CCDC7: variants seen among roughly 807,000 people sequenced by gnomAD.
The protein encoded by CCDC7 is coiled-coil domain-containing protein 7.
A neutral mutation model predicts 196.9 loss-of-function variants in CCDC7; 183 were observed. That is an observed-to-expected ratio of 0.93 (90% CI 0.82 to 1.05). The LOEUF is 1.05. Ranked by LOEUF, CCDC7 falls within the 50% of genes least tolerant of loss-of-function variation. CCDC7 has a pLI of 0.00. For missense variants in CCDC7, 1,540 were observed against 1,482.2 expected, an observed-to-expected ratio of 1.04 and a Z score of -0.64; for synonymous variants, 525 against 484.6, an observed-to-expected ratio of 1.08 and a Z score of -1.10.
At chr10:32,667,620 T>C (rs1470260898) in intron 21 of CCDC7, among the ~76,000 whole-genome samples, 9 of 151,376 alleles carry the variant, frequency 5.9e-5, no homozygotes, top group East Asian at 1.9e-4. Flanking sequence ...ATTTATTAAA[T>C]AGGGAATCCT....
At chr10:32,801,003 A>G (rs1188161699) in intron 29 of CCDC7, among the ~76,000 whole-genome samples, 1 of 152,196 alleles carries the variant, frequency 6.6e-6, no homozygotes, top group Non-Finnish European at 1.5e-5. Context: ...CATTGCAGTA[A>G]CTATGCCCAC....
intron 28 of CCDC7, among the ~76,000 whole-genome samples, chr10:32,777,338 A>T (rs2080232981): frequency 6.6e-6 from 1 of 152,152 alleles, no homozygotes; most frequent in Admixed American, 6.5e-5. Context: ...ACTGTGGTGA[A>T]CGTATGGATG....
intron 28 of CCDC7, among the ~76,000 whole-genome samples, chr10:32,765,833 C>A (rs893877662): frequency 2.0e-5 from 3 of 151,898 alleles, no homozygotes; most frequent in Non-Finnish European, 4.4e-5. Context: ...TTAACGTATC[C>A]CCTGGTAACT....
intron 20 of CCDC7, among the ~76,000 whole-genome samples, chr10:32,642,342 G>C (rs966547552): frequency 6.6e-6 from 1 of 152,210 alleles, no homozygotes; most frequent in African/African-American, 2.4e-5. Flanking sequence ...CTCAAGCCTT[G>C]GCAATGGCGG....
At chr10:32,722,659 T>C (rs1296163628) in intron 25 of CCDC7, among the ~76,000 whole-genome samples, 1 of 152,062 alleles carries the variant, frequency 6.6e-6, no homozygotes, top group African/African-American at 2.4e-5. Flanking sequence ...TTATATTGAA[T>C]TAGGGCCCAC....
intron 31 of CCDC7, among the ~76,000 whole-genome samples, chr10:32,816,616 C>A (rs991186488): frequency 9.9e-5 from 15 of 152,148 alleles, no homozygotes; most frequent in African/African-American, 3.6e-4. Context: ...CTCACATGGC[C>A]AGGTACTCCT....
At chr10:32,606,081 C>T (rs946195034) in intron 18 of CCDC7, among the ~76,000 whole-genome samples, 1 of 152,162 alleles carries the variant, frequency 6.6e-6, no homozygotes, top group African/African-American at 2.4e-5. Context: ...GGACACTTCT[C>T]TTTGTATCTG....
At position 32,564,803 on chromosome 10, in the gene CCDC7, A is replaced by T. The variant is rs551503870; in HGVS notation, c.1135-755A>T. On this transcript the variant is annotated intron_variant, in intron 13 of 41. Transcript: ENST00000639629. ...TGTACCCTAAAACTTAAAGTATAAA[A>T]AAAAAAAAGAATCTACCTACACTTG... Among the ~76,000 whole-genome samples the T allele has an allele frequency of 9.9e-5, 15 of 152,170 alleles. No individual in the cohort carries two copies. In the South Asian group the frequency reaches 1.0e-3, roughly 11 times the overall value.
At chr10:32,638,962 G>C (rs2066190176) in intron 20 of CCDC7, among the ~76,000 whole-genome samples, 2 of 152,248 alleles carry the variant, frequency 1.3e-5, no homozygotes, top group South Asian at 4.1e-4. Context: ...GTTTTGGGAG[G>C]ATGTTTGTTT....
chr10:32,455,877 G>A (rs2034220516), intron 2 of CCDC7, among the ~76,000 whole-genome samples: 1 of 152,110 alleles, frequency 6.6e-6, no homozygotes, highest in African/African-American at 2.4e-5. Context: ...ATCATAGGTA[G>A]TAGTCATTTT....
At chr10:32,503,931 A>C (rs965773496) in intron 9 of CCDC7, among the ~76,000 whole-genome samples, 6 of 150,142 alleles carry the variant, frequency 4.0e-5, no homozygotes, top group Non-Finnish European at 7.4e-5. Flanking sequence ...GTAGTTTCTT[A>C]TTATCTTTTT....
intron 20 of CCDC7, among the ~76,000 whole-genome samples, chr10:32,662,190 A>T (rs2071619422): frequency 6.6e-6 from 1 of 152,108 alleles, no homozygotes; most frequent in African/African-American, 2.4e-5. Flanking sequence ...AAAGAGCACA[A>T]ATAATTTCTC....
intron 5 of CCDC7, among the ~76,000 whole-genome samples, chr10:32,467,648 G>T (rs1430664953): frequency 6.6e-6 from 1 of 152,006 alleles, no homozygotes; most frequent in Non-Finnish European, 1.5e-5. Flanking sequence ...CATCTTCATG[G>T]AGTCTTTGCC....
upstream of CCDC7, chr10:32,446,071 A>T (rs941674444): frequency 1.3e-5 from 2 of 152,126 alleles, no homozygotes; most frequent in African/African-American, 4.8e-5. Flanking sequence ...CGCGCAGCTC[A>T]CGCTCGCAGC....
chr10:32,876,365 G>C, exon 42 of CCDC7: 1 of 1,610,618 alleles, frequency 6.2e-7, no homozygotes, highest in Non-Finnish European at 8.5e-7. Flanking sequence ...GCTGCTGCCC[G>C]AAAATCTGTA....
rs764484260 is a variant in CCDC7, at chr10:32,517,994, A to T, written c.903+19A>T. 4.5e-6 allele frequency: 7 copies of T among 1,555,890 alleles called. No individual in the cohort carries two copies. In the African/African-American group the frequency reaches 9.9e-5, roughly 22 times the overall value. On this transcript the variant is annotated intron_variant, in intron 10 of 41. Coordinates refer to ENST00000639629, the Ensembl canonical transcript of CCDC7. ...AGATGCTGTAAGTATAGTACTCTCA[A>T]TTTGAAATTACACTTTGTCCTTGAG...
chr10:32,828,387 T>G (rs991304975), intron 32 of CCDC7, among the ~76,000 whole-genome samples: 2 of 136,506 alleles, frequency 1.5e-5, no homozygotes, highest in East Asian at 4.4e-4. Flanking sequence ...TTAAATAGTT[T>G]AAAAAAGAAG....
chr10:32,698,702 T>C (rs2078136199), intron 24 of CCDC7, among the ~76,000 whole-genome samples: 1 of 152,164 alleles, frequency 6.6e-6, no homozygotes, highest in Non-Finnish European at 1.5e-5. Context: ...TATGGGACTA[T>C]GTGAAAAGAC....
At chr10:32,861,195 A>G (rs2093971276) in intron 41 of CCDC7, among the ~76,000 whole-genome samples, 1 of 151,730 alleles carries the variant, frequency 6.6e-6, no homozygotes, top group Non-Finnish European at 1.5e-5. Context: ...CAGTAACCAA[A>G]ACAGCATGGT....
Sources: gnomAD v4.1 joint callset for allele counts (sites outside exome capture counted in the v4.1 genomes callset) on GRCh38, gnomAD v4.1.1 for gene constraint, MANE v1.5 for transcripts, NCBI Gene and HGNC (gene_info 2026-07-23, HGNC 2026-07-21) for gene names.